Variants in CNTN5 observed in about 807,000 individuals in gnomAD.
The protein encoded by CNTN5 is contactin 5.
A neutral mutation model predicts 129.1 loss-of-function variants in CNTN5; 77 were observed. That is an observed-to-expected ratio of 0.60 (90% confidence interval 0.50 to 0.72). CNTN5 has a LOEUF of 0.72. CNTN5 is among the 30% of genes least tolerant of loss of function. The pLI, the probability that CNTN5 is intolerant of heterozygous loss-of-function variation, is 0.00. For synonymous variants in CNTN5, 509 were observed against 465.6 expected, an observed-to-expected ratio of 1.09 and a Z score of -1.20; for missense variants, 1,478 against 1,328.8, an observed-to-expected ratio of 1.11 and a Z score of -1.75.
intron 8 of CNTN5, among the ~76,000 whole-genome samples, chr11:99,964,891 G>C (rs1368411574): frequency 2.0e-5 from 3 of 152,242 alleles, no homozygotes; most frequent in Admixed American, 2.0e-4. Flanking sequence ...AGTCTTGGGA[G>C]GGTGTATGTG....
chr11:100,250,853 G>A (rs897663636), intron 16 of CNTN5, among the ~76,000 whole-genome samples: 1 of 152,054 alleles, frequency 6.6e-6, no homozygotes, highest in Non-Finnish European at 1.5e-5. Flanking sequence ...ACTCAGAGAG[G>A]CAAATTATTT....
chr11:99,446,523 C>A (rs1345493635), intron 2 of CNTN5, among the ~76,000 whole-genome samples: 1 of 152,028 alleles, frequency 6.6e-6, no homozygotes, highest in Non-Finnish European at 1.5e-5. Context: ...AAGTTATTGG[C>A]CTGCAAATAA....
chr11:100,309,322 C>A (rs895834407), intron 21 of CNTN5: 15 of 983,430 alleles, frequency 1.5e-5, no homozygotes, highest in African/African-American at 1.8e-5. Flanking sequence ...GGTTTCCAGG[C>A]TGAAACATAT....
intron 16 of CNTN5, among the ~76,000 whole-genome samples, chr11:100,229,891 A>G (rs1432991159): frequency 2.6e-5 from 4 of 152,190 alleles, no homozygotes; most frequent in Non-Finnish European, 5.9e-5. Flanking sequence ...TCTAATATGT[A>G]AGAGCCTATT....
intron 9 of CNTN5, among the ~76,000 whole-genome samples, chr11:100,049,636 A>C (rs1356623163): frequency 6.6e-6 from 1 of 152,174 alleles, no homozygotes; most frequent in Non-Finnish European, 1.5e-5. Flanking sequence ...GATCTAATTA[A>C]ACTAAAGAGC....
intron 3 of CNTN5, among the ~76,000 whole-genome samples, chr11:99,741,741 T>G (rs775049655): frequency 6.6e-6 from 1 of 152,270 alleles, no homozygotes; most frequent in East Asian, 1.9e-4. Flanking sequence ...TTACTCAATT[T>G]AGAAAGTTCA....
At chr11:99,897,575 C>T (rs207472257) in intron 6 of CNTN5, among the ~76,000 whole-genome samples, 3 of 152,130 alleles carry the variant, frequency 2.0e-5, no homozygotes. Flanking sequence ...GAGAAATACT[C>T]TTTCCCAGAC....
intron 9 of CNTN5, among the ~76,000 whole-genome samples, chr11:100,038,856 G>T (rs190395943): frequency 6.6e-6 from 1 of 152,114 alleles, no homozygotes; most frequent in South Asian, 2.1e-4. Flanking sequence ...TTGAGCCTGT[G>T]TATGTGTCTG....
intron 3 of CNTN5, among the ~76,000 whole-genome samples, chr11:99,729,217 A>G (rs1305621921): frequency 6.6e-6 from 1 of 152,142 alleles, no homozygotes; most frequent in Non-Finnish European, 1.5e-5. Flanking sequence ...ATTTGGGGGA[A>G]AAGTGGGTGA....
intron 17 of CNTN5, among the ~76,000 whole-genome samples, chr11:100,270,102 A>T (rs1381537145): frequency 6.6e-6 from 1 of 151,984 alleles, no homozygotes; most frequent in East Asian, 1.9e-4. Flanking sequence ...TCACTGCTTT[A>T]AAAAAACACA....
intron 1 of CNTN5, among the ~76,000 whole-genome samples, chr11:99,285,811 GCAGAT>G (rs1006515923): frequency 6.6e-6 from 1 of 152,014 alleles, no homozygotes; most frequent in Non-Finnish European, 1.5e-5. Flanking sequence ...GCCAATGCAG[GCAGAT>G]CACCTGAGTT....
intron 9 of CNTN5, among the ~76,000 whole-genome samples, chr11:100,056,699 C>G (rs1943240552): frequency 6.6e-6 from 1 of 151,472 alleles, no homozygotes; most frequent in South Asian, 2.1e-4. Flanking sequence ...TCTGACAGAT[C>G]AGTGAAGATG....
intron 1 of CNTN5, among the ~76,000 whole-genome samples, chr11:99,161,349 T>C (rs1392354159): frequency 6.6e-6 from 1 of 152,168 alleles, no homozygotes; most frequent in African/African-American, 2.4e-5. Context: ...CAGAATCTTA[T>C]GTATTTTCAG....
chr11:99,618,560 A>G (rs1390931496), intron 3 of CNTN5, among the ~76,000 whole-genome samples: 1 of 152,200 alleles, frequency 6.6e-6, no homozygotes, highest in East Asian at 1.9e-4. Flanking sequence ...TTCTATCTTC[A>G]GCACAAAGTT....
At chr11:100,079,291 T>G (rs1195338201) in intron 13 of CNTN5, among the ~76,000 whole-genome samples, 1 of 152,186 alleles carries the variant, frequency 6.6e-6, no homozygotes, top group Non-Finnish European at 1.5e-5. Context: ...AGTCTGGAAA[T>G]GCTTACCATT....
intron 2 of CNTN5, among the ~76,000 whole-genome samples, chr11:99,416,226 A>C (rs1448910622): frequency 6.6e-6 from 1 of 152,172 alleles, no homozygotes; most frequent in African/African-American, 2.4e-5. Context: ...ACAAGTATGC[A>C]GGGTATTTTT....
At chr11:99,616,719 G>A (rs1950770635) in intron 3 of CNTN5, among the ~76,000 whole-genome samples, 1 of 152,174 alleles carries the variant, frequency 6.6e-6, no homozygotes, top group African/African-American at 2.4e-5. Context: ...TGATATAGAT[G>A]ATGATACAGA....
At chr11:99,098,651 G>A (rs1288353470) in intron 1 of CNTN5, among the ~76,000 whole-genome samples, 3 of 152,058 alleles carry the variant, frequency 2.0e-5, no homozygotes, top group Admixed American at 6.6e-5. Context: ...TTAATTATCT[G>A]ATTCCTGAAT....
At chr11:99,548,971 A>T (rs572239328) in intron 2 of CNTN5, among the ~76,000 whole-genome samples, 1 of 152,274 alleles carries the variant, frequency 6.6e-6, no homozygotes, top group African/African-American at 2.4e-5. Flanking sequence ...CTGATTAGAC[A>T]TATTAAGACC....
Sources: allele counts gnomAD v4.1 joint callset (sites outside exome capture counted in the v4.1 genomes callset), GRCh38; gene constraint gnomAD v4.1.1; transcripts MANE v1.5; gene names NCBI Gene and HGNC (gene_info 2026-07-23, HGNC 2026-07-21).